The following EPHA7 variants were observed in gnomAD, a reference collection of about 807,000 sequenced individuals.
EPHA7 encodes the protein ephrin type-A receptor 7.
Under a neutral mutation model 112.6 loss-of-function variants are expected in EPHA7, and 25 were observed. That is an observed-to-expected ratio of 0.22 (90% CI 0.16 to 0.31). EPHA7 has a LOEUF of 0.31. EPHA7 is among the 10% of genes least tolerant of loss of function. The pLI is 1.00. For missense variants in EPHA7, 962 were observed against 1,212.6 expected (o/e 0.79, Z 3.07); for synonymous variants, 437 against 406.5 (o/e 1.07, Z -0.90).
At position 93,254,782 on chromosome 6, in the gene EPHA7, T is replaced by C. The variant is rs2127855121; in HGVS notation, c.2397A>G (p.Pro799=). Residue 799 remains proline (P), a synonymous_variant, in exon 14 of 17, where the codon CCA becomes CCG. Coordinates refer to ENST00000369303, the MANE Select transcript of EPHA7 (RefSeq NM_004440.4). ...AVYTTTGGKI[P]VRWTAPEAIQ... is the part of the protein sequence containing the mutation. The stretch of plus-strand genomic sequence containing the variant: ...TGGCTTCGGGTGCTGTCCACCTTAC[T>C]GGAATTTTTCCACCCTGTTATAAAA... 1 of 1,611,120 alleles carries C rather than the reference T, an allele frequency of 6.2e-7. No individual in the cohort carries two copies. Among genetic ancestry groups the C allele is most frequent in the South Asian group, 1.1e-5 (1 of 90,574 alleles).
chr6:93,347,256 T>C (rs1301114617), intron 5 of EPHA7, among the ~76,000 whole-genome samples: 1 of 151,926 alleles, frequency 6.6e-6, no homozygotes, highest in Non-Finnish European at 1.5e-5. Context: ...AAATTTATTA[T>C]AACTTTTATA....
chr6:93,397,702 T>A (rs1391817336), intron 3 of EPHA7, among the ~76,000 whole-genome samples: 1 of 151,940 alleles, frequency 6.6e-6, no homozygotes, highest in Non-Finnish European at 1.5e-5. Flanking sequence ...CATTAATGAA[T>A]AATAACCGTG....
At chr6:93,283,724 C>T (rs970567247) in intron 5 of EPHA7, among the ~76,000 whole-genome samples, 3 of 152,134 alleles carry the variant, frequency 2.0e-5, no homozygotes, top group African/African-American at 7.2e-5. Context: ...CTGGACACGC[C>T]ACCTTTAAAA....
intron 12 of EPHA7, among the ~76,000 whole-genome samples, chr6:93,257,087 G>C (rs1443300918): frequency 6.6e-6 from 1 of 152,076 alleles, no homozygotes; most frequent in Non-Finnish European, 1.5e-5. Flanking sequence ...ACAGAGCAGA[G>C]TTGTGATCAT....
At chr6:93,379,642 C>T (rs1041597326) in intron 3 of EPHA7, among the ~76,000 whole-genome samples, 2 of 151,782 alleles carry the variant, frequency 1.3e-5, no homozygotes, top group Non-Finnish European at 1.5e-5. Context: ...TACAATCAAA[C>T]CAGGACCCTT....
chr6:93,268,149 C>A (rs2127874962), intron 7 of EPHA7, among the ~76,000 whole-genome samples: 1 of 151,682 alleles, frequency 6.6e-6, no homozygotes, highest in Middle Eastern at 3.8e-3. Flanking sequence ...AAAGAATAAT[C>A]ATGAATAATG....
chr6:93,310,635 G>A (rs896319657), intron 5 of EPHA7, among the ~76,000 whole-genome samples: 23 of 150,852 alleles, frequency 1.5e-4, no homozygotes, highest in Non-Finnish European at 3.2e-4. Context: ...CTGCATTCCA[G>A]CCTATGACAC....
intron 5 of EPHA7, among the ~76,000 whole-genome samples, chr6:93,289,606 A>C (rs1276005054): frequency 1.3e-5 from 2 of 152,098 alleles, no homozygotes; most frequent in African/African-American, 4.8e-5. Flanking sequence ...CCTGGGTGAC[A>C]GTGCAAGACT....
At chr6:93,250,190 C>T (rs984892226) in intron 14 of EPHA7, among the ~76,000 whole-genome samples, 4 of 152,060 alleles carry the variant, frequency 2.6e-5, no homozygotes, top group Non-Finnish European at 4.4e-5. Context: ...GGGAACTCTT[C>T]GACCTTATAG....
At position 93,293,700 on chromosome 6, in the gene EPHA7, C is replaced by G. The variant is rs149652819; in HGVS notation, c.1325-21278G>C. Among the ~76,000 whole-genome samples the G allele has an allele frequency of 2.6e-5, 4 of 152,228 alleles. No homozygotes were observed. In the East Asian group the frequency reaches 7.7e-4, roughly 29 times the overall value. The stretch of plus-strand genomic sequence containing the variant: ...TGACAGGTCAGATGCTAACTCGATA[C>G]TTACAAATGTGCAGCAGCAATAAGT... On this transcript the variant is annotated intron_variant, in intron 5 of 16. Transcript: ENST00000369303.
chr6:93,271,708 A>G (rs1429068945), intron 6 of EPHA7, among the ~76,000 whole-genome samples: 1 of 151,964 alleles, frequency 6.6e-6, no homozygotes. Context: ...CTAAAAAGCC[A>G]TAATATTTTT....
chr6:93,351,371 C>T (rs1194712901), intron 5 of EPHA7, among the ~76,000 whole-genome samples: 2 of 151,848 alleles, frequency 1.3e-5, no homozygotes, highest in Non-Finnish European at 2.9e-5. Flanking sequence ...AACATTCTTC[C>T]TAATAAAACT....
intron 3 of EPHA7, among the ~76,000 whole-genome samples, chr6:93,382,385 G>T: frequency 6.6e-6 from 1 of 152,134 alleles, no homozygotes; most frequent in East Asian, 1.9e-4. Flanking sequence ...ATGTAATGCT[G>T]ATGATGATCT....
intron 5 of EPHA7, among the ~76,000 whole-genome samples, chr6:93,296,451 A>G (rs1210796477): frequency 7.3e-6 from 1 of 136,394 alleles, no homozygotes; most frequent in Non-Finnish European, 1.5e-5. Flanking sequence ...AAATATATAT[A>G]TAAATATATA....
At chr6:93,402,195 C>A (rs77519390) in intron 3 of EPHA7, among the ~76,000 whole-genome samples, 1 of 151,938 alleles carries the variant, frequency 6.6e-6, no homozygotes, top group Non-Finnish European at 1.5e-5. Flanking sequence ...TGTTCTCCCC[C>A]CTTTCATCAG....
At chr6:93,320,282 T>A (rs542596276) in intron 5 of EPHA7, among the ~76,000 whole-genome samples, 9 of 152,182 alleles carry the variant, frequency 5.9e-5, no homozygotes, top group Admixed American at 3.3e-4. Context: ...TTCAGCATGT[T>A]GGAATATTCT....
intron 5 of EPHA7, 124 bp from the exon 6 acceptor site, chr6:93,272,546 T>C (rs981282563): frequency 2.8e-6 from 3 of 1,087,500 alleles, no homozygotes; most frequent in Non-Finnish European, 4.0e-6. Context: ...CACCTTTTCA[T>C]AGCTCACAAT....
At chr6:93,359,097 G>A (rs1465153556) in intron 3 of EPHA7, among the ~76,000 whole-genome samples, 5 of 152,054 alleles carry the variant, frequency 3.3e-5, no homozygotes, top group South Asian at 2.1e-4. Context: ...AGCCATCAAC[G>A]GCAAGTAGAT....
chr6:93,419,503 C>A lies in EPHA7; in HGVS notation c.-162G>T. ...CACGTTTAGCTTTTTTTAATTTCCC[C>A]CCCACTCCTGTTCGCTCGCACCGTG... On this transcript the variant is annotated 5_prime_UTR_variant, in exon 1 of 17. Transcript: ENST00000369303. 1 of 597,980 alleles carries A rather than the reference C, an allele frequency of 1.7e-6. No homozygotes were observed. The highest frequency in any genetic ancestry group is 2.9e-6 in the Non-Finnish European group (1 of 346,092). 37.0% of individuals were successfully genotyped at this position (597,980 alleles called of 1,614,324 possible).
Sources: allele counts gnomAD v4.1 joint callset (sites outside exome capture counted in the v4.1 genomes callset), GRCh38; gene constraint gnomAD v4.1.1; transcripts MANE v1.5; gene names NCBI Gene and HGNC (gene_info 2026-07-23, HGNC 2026-07-21).